CDC42BPA: variants seen among roughly 807,000 people sequenced by gnomAD.
The protein encoded by CDC42BPA is serine/threonine-protein kinase MRCK alpha.
Under a neutral mutation model 223.5 loss-of-function variants are expected in CDC42BPA, and 80 were observed. That is an observed-to-expected ratio of 0.36 (90% CI 0.30 to 0.43). The LOEUF (loss-of-function observed/expected upper bound fraction) is 0.43. CDC42BPA is among the 20% of genes least tolerant of loss of function. The pLI, the probability that CDC42BPA is intolerant of heterozygous loss-of-function variation, is 1.00. For synonymous variants in CDC42BPA, 694 were observed against 718.6 expected (o/e 0.97, Z 0.55); for missense variants, 1,743 against 2,099.9 (o/e 0.83, Z 3.32).
chr1:227,317,416 T>C lies in CDC42BPA; in HGVS notation c.-234A>G. 2 of 427,020 alleles carry C rather than the reference T, an allele frequency of 4.7e-6. No homozygotes were observed. The highest frequency in any genetic ancestry group is 8.2e-6 in the Non-Finnish European group (2 of 245,352). 26.5% of individuals were successfully genotyped at this position (427,020 alleles called of 1,614,324 possible). ...TTTGAGGGTAAATTACCATAAAATA[T>C]ATACTTAATGCATTTTTAAAAGAAT... On this transcript the variant is annotated 5_prime_UTR_variant, in exon 1 of 37. It adds an upstream start codon to the 5' untranslated region. Transcript: ENST00000366766.
chr1:227,144,174 AAAAT>A (rs1660232761), intron 8 of CDC42BPA, among the ~76,000 whole-genome samples: 1 of 152,224 alleles, frequency 6.6e-6, no homozygotes, highest in Non-Finnish European at 1.5e-5. Flanking sequence ...ACAAAAATTA[AAAAT>A]AAAGATTTTG....
intron 35 of CDC42BPA, among the ~76,000 whole-genome samples, chr1:226,997,632 G>C (rs1661908019): frequency 6.6e-6 from 1 of 152,184 alleles, no homozygotes; most frequent in Non-Finnish European, 1.5e-5. Context: ...TGTGTCTCAA[G>C]AGATTCTGGT....
At chr1:227,297,494 C>T (rs11805097) in intron 1 of CDC42BPA, among the ~76,000 whole-genome samples, 46,754 of 151,932 alleles carry the variant, frequency 0.31, 7,376 homozygotes, top group East Asian at 0.37. Flanking sequence ...CCAATGTTCA[C>T]TGCAGCATTA....
chr1:227,303,445 C>T (rs1348632669), intron 1 of CDC42BPA, among the ~76,000 whole-genome samples: 2 of 152,156 alleles, frequency 1.3e-5, no homozygotes, highest in African/African-American at 4.8e-5. Flanking sequence ...TTGCCCAATC[C>T]AGAAAACCTC....
chr1:227,206,874 T>C (rs1015278041), intron 3 of CDC42BPA, among the ~76,000 whole-genome samples: 1 of 152,170 alleles, frequency 6.6e-6, no homozygotes. Context: ...TTTGCTAATA[T>C]TTTGTTAAGG....
intron 10 of CDC42BPA, among the ~76,000 whole-genome samples, chr1:227,133,175 C>T (rs2102632): frequency 0.72 from 98,780 of 138,066 alleles, 36,022 homozygotes; most frequent in South Asian, 0.87. Flanking sequence ...ACTGAGGAAC[C>T]CCTCTGCCTG....
intron 21 of CDC42BPA, among the ~76,000 whole-genome samples, chr1:227,053,607 C>A (rs1888829): frequency 0.03 from 4,554 of 152,154 alleles, 200 homozygotes; most frequent in African/African-American, 0.1. Context: ...CAACTCAAGT[C>A]CAAATTCAGC....
chr1:227,279,894 T>C (rs1258104099), intron 1 of CDC42BPA, among the ~76,000 whole-genome samples: 4 of 151,936 alleles, frequency 2.6e-5, no homozygotes, highest in Non-Finnish European at 5.9e-5. Flanking sequence ...CCATCTCTAA[T>C]AAAAATACAA....
chr1:227,190,569 A>G (rs1669542498), intron 5 of CDC42BPA, among the ~76,000 whole-genome samples: 1 of 15,882 alleles, frequency 6.3e-5, no homozygotes, highest in Non-Finnish European at 1.8e-4. Context: ...TTAAATGATT[A>G]TTTAACTTGT....
At chr1:227,037,923 G>A (rs895423131) in intron 24 of CDC42BPA, among the ~76,000 whole-genome samples, 4 of 152,092 alleles carry the variant, frequency 2.6e-5, no homozygotes, top group Non-Finnish European at 5.9e-5. Flanking sequence ...GCCCCTATCA[G>A]AACAACATGA....
intron 14 of CDC42BPA, among the ~76,000 whole-genome samples, chr1:227,106,867 A>G (rs2458523): frequency 0.83 from 126,336 of 152,182 alleles, 52,485 homozygotes; most frequent in East Asian, 0.88. Context: ...AAATTAATTG[A>G]CCATAGATAC....
At chr1:227,089,097 T>C (rs543935133) in intron 16 of CDC42BPA, among the ~76,000 whole-genome samples, 4 of 152,344 alleles carry the variant, frequency 2.6e-5, no homozygotes, top group South Asian at 2.1e-4. Context: ...TTTTTAAAAA[T>C]TTATTTAAAC....
chr1:227,254,102 CAA>C lies in CDC42BPA; in HGVS notation c.230_231del (p.Phe77Ter). The C allele has an allele frequency of 1.2e-6, 2 of 1,602,792 alleles. No individual in the cohort carries two copies. Among genetic ancestry groups the C allele is most frequent in the Non-Finnish European group, 1.7e-6 (2 of 1,173,612 alleles). On this transcript the variant is annotated frameshift_variant, in exon 2 of 37. Coordinates refer to ENST00000366766, the MANE Select transcript of CDC42BPA (RefSeq NM_001394014.1). LOFTEE classifies it high-confidence loss of function. ...CCTCGACCAATCACCTTTAATATTT[CAA>C]AGTCTTCTCTATGTAATCGCATTTG... The part of the protein sequence containing the change: ...VKQMRLHRED[F>X]EILKVIGRGA...
intron 3 of CDC42BPA, among the ~76,000 whole-genome samples, chr1:227,203,874 G>A (rs1672226417): frequency 6.6e-6 from 1 of 152,174 alleles, no homozygotes; most frequent in African/African-American, 2.4e-5. Context: ...ATACATAAAT[G>A]GTAATTCTGG....
intron 2 of CDC42BPA, among the ~76,000 whole-genome samples, chr1:227,237,606 A>G (rs1488300501): frequency 1.3e-5 from 2 of 152,108 alleles, no homozygotes; most frequent in African/African-American, 4.8e-5. Flanking sequence ...CTAATGTCAG[A>G]TATTTGGGTT....
chr1:227,171,841 G>A (rs564807138), intron 5 of CDC42BPA, among the ~76,000 whole-genome samples: 44 of 152,106 alleles, frequency 2.9e-4, no homozygotes, highest in Admixed American at 4.6e-4. Context: ...ATGTACCTTG[G>A]CCCCAACCCA....
At chr1:227,281,987 C>A (rs1052555015) in intron 1 of CDC42BPA, among the ~76,000 whole-genome samples, 1 of 151,658 alleles carries the variant, frequency 6.6e-6, no homozygotes, top group Admixed American at 6.6e-5. Flanking sequence ...GTCGGGAGTT[C>A]GCGACCAGCC....
intron 2 of CDC42BPA, among the ~76,000 whole-genome samples, chr1:227,219,041 T>C (rs1320662219): frequency 6.6e-6 from 1 of 152,122 alleles, no homozygotes; most frequent in East Asian, 1.9e-4. Flanking sequence ...CCACACCAGT[T>C]TGCCCCTACA....
chr1:227,170,231 T>C (rs1255581691), intron 5 of CDC42BPA, among the ~76,000 whole-genome samples: 1 of 152,102 alleles, frequency 6.6e-6, no homozygotes, highest in Non-Finnish European at 1.5e-5. Context: ...ATACTTATCA[T>C]GTTGTTAAGA....
Sources: gnomAD v4.1 joint callset for allele counts (sites outside exome capture counted in the v4.1 genomes callset) on GRCh38, gnomAD v4.1.1 for gene constraint, MANE v1.5 for transcripts, NCBI Gene and HGNC (gene_info 2026-07-23, HGNC 2026-07-21) for gene names.